RSRC1: variants seen among roughly 807,000 people sequenced by gnomAD.
RSRC1 encodes the protein serine/Arginine-related protein 53.
RSRC1 carries 39 observed loss-of-function variants against 49.1 expected under a neutral mutation model. The observed-to-expected ratio is 0.79, with a 90% CI of 0.61 to 1.04. The LOEUF is 1.04. RSRC1 is among the 50% of genes least tolerant of loss of function. RSRC1 has a pLI of 0.00. For synonymous variants in RSRC1, 143 were observed against 130.8 expected (o/e 1.09, Z -0.63); for missense variants, 388 against 402.4 (o/e 0.96, Z 0.31).
At chr3:158,312,158 G>A (rs1394231461) in intron 5 of RSRC1, among the ~76,000 whole-genome samples, 3 of 147,360 alleles carry the variant, frequency 2.0e-5, no homozygotes, top group South Asian at 2.1e-4. Context: ...CTCTAAAATA[G>A]CTTCTAACTT....
At chr3:158,409,433 T>C (rs1294838373) in intron 6 of RSRC1, among the ~76,000 whole-genome samples, 1 of 152,168 alleles carries the variant, frequency 6.6e-6, no homozygotes, top group East Asian at 1.9e-4. Context: ...TTTGTTATAT[T>C]TGTTGTTTCT....
chr3:158,544,417 T>C lies in RSRC1; in HGVS notation c.*142T>C. The C allele has an allele frequency of 2.2e-6, 1 of 461,712 alleles. No individual in the cohort carries two copies. The highest frequency in any genetic ancestry group is 3.8e-6 in the Non-Finnish European group (1 of 260,712). 28.6% of individuals were successfully genotyped at this position (461,712 alleles called of 1,614,324 possible). The stretch of plus-strand genomic sequence containing the variant: ...AGTCTCATTTCATTTGTCTCTCATG[T>C]AGGCTTGAATATTTGTTAATTTGAA... On this transcript the variant is annotated 3_prime_UTR_variant, in exon 10 of 10. Transcript: ENST00000611884.
At chr3:158,332,890 G>C (rs866916308) in intron 5 of RSRC1, among the ~76,000 whole-genome samples, 1 of 151,540 alleles carries the variant, frequency 6.6e-6, no homozygotes, top group South Asian at 2.1e-4. Context: ...TTGAAAAATT[G>C]ACTGTTATGC....
chr3:158,311,724 CA>C (rs1728140179), intron 5 of RSRC1, among the ~76,000 whole-genome samples: 1 of 151,624 alleles, frequency 6.6e-6, no homozygotes, highest in African/African-American at 2.4e-5. Context: ...ACTCTTACCA[CA>C]AAAAAGGTAA....
intron 5 of RSRC1, among the ~76,000 whole-genome samples, chr3:158,317,212 G>A (rs910582220): frequency 6.6e-6 from 1 of 152,078 alleles, no homozygotes; most frequent in Non-Finnish European, 1.5e-5. Flanking sequence ...GCTTATGTTA[G>A]TACTTAGGTA....
intron 1 of RSRC1, among the ~76,000 whole-genome samples, chr3:158,118,685 G>A (rs1355752536): frequency 2.0e-5 from 3 of 151,988 alleles, no homozygotes; most frequent in Admixed American, 2.0e-4. Flanking sequence ...TATGGTGAAG[G>A]CTTTCATCAT....
intron 4 of RSRC1, among the ~76,000 whole-genome samples, chr3:158,224,371 A>G (rs535844187): frequency 4.6e-5 from 7 of 151,964 alleles, no homozygotes; most frequent in African/African-American, 1.2e-4. Flanking sequence ...TAGAATTTAC[A>G]TGCATGATTT....
chr3:158,257,820 G>A (rs1418841248), intron 4 of RSRC1, among the ~76,000 whole-genome samples: 2 of 151,770 alleles, frequency 1.3e-5, no homozygotes, highest in Non-Finnish European at 1.5e-5. Context: ...TTTGATTTGA[G>A]GTTACCATGA....
At chr3:158,472,575 G>GT (rs1560057518) in intron 7 of RSRC1, among the ~76,000 whole-genome samples, 1 of 152,134 alleles carries the variant, frequency 6.6e-6, no homozygotes, top group African/African-American at 2.4e-5. Context: ...TTTCTACTAT[G>GT]TTTTTTCCTT....
chr3:158,221,924 C>T (rs1722242311), intron 4 of RSRC1, among the ~76,000 whole-genome samples: 1 of 151,354 alleles, frequency 6.6e-6, no homozygotes, highest in Non-Finnish European at 1.5e-5. Flanking sequence ...TCTATACTTC[C>T]AACATTTTCA....
chr3:158,187,640 CCTGGTTTTACAGTT>C (rs1367284344), intron 3 of RSRC1, among the ~76,000 whole-genome samples: 2 of 151,926 alleles, frequency 1.3e-5, no homozygotes, highest in African/African-American at 2.4e-5. Context: ...GACAGTCGAT[CCTGGTTTTACAGTT>C]TAGAGCATTT....
intron 6 of RSRC1, among the ~76,000 whole-genome samples, chr3:158,368,404 A>G (rs1230533579): frequency 6.6e-6 from 1 of 152,188 alleles, no homozygotes; most frequent in Non-Finnish European, 1.5e-5. Context: ...TGTGAGGCAG[A>G]CTGGCTTTGT....
intron 4 of RSRC1, among the ~76,000 whole-genome samples, chr3:158,260,752 A>G (rs574802290): frequency 1.8e-4 from 27 of 152,254 alleles, no homozygotes; most frequent in African/African-American, 6.3e-4. Flanking sequence ...ACTGGGATGG[A>G]CAGTTCACCT....
At chr3:158,478,948 C>CAAAAAAA (rs10603914) in intron 7 of RSRC1, among the ~76,000 whole-genome samples, 5 of 112,272 alleles carry the variant, frequency 4.5e-5, no homozygotes, top group African/African-American at 1.2e-4. Context: ...GGAGAAAAAG[C>CAAAAAAA]AAAAAAAAAA....
Position 158,415,787 on chromosome 3 carries a change from T to C in RSRC1, c.584-45148T>C, listed in dbSNP as rs191694787. Among the ~76,000 whole-genome samples the C allele has an allele frequency of 2.5e-3, 377 of 152,210 alleles. 2 individuals carry two copies. The highest frequency in any genetic ancestry group is 8.8e-3 in the African/African-American group (366 of 41,558). ...CTGGCAAGACTAATACTTTATGTTATATTAAAATAAATTATTGTTATAATT... is the reference window on the plus strand; with the variant it reads ...CTGGCAAGACTAATACTTTATGTTACATTAAAATAAATTATTGTTATAATT... On this transcript the variant is annotated intron_variant, in intron 6 of 9. Transcript: ENST00000611884.
chr3:158,250,246 T>C (rs1215728187), intron 4 of RSRC1, among the ~76,000 whole-genome samples: 1 of 152,220 alleles, frequency 6.6e-6, no homozygotes, highest in African/African-American at 2.4e-5. Context: ...TTTCCTAATC[T>C]TGGCTATTGT....
chr3:158,518,118 G>GCATATA (rs1341871336), intron 7 of RSRC1, among the ~76,000 whole-genome samples: 17 of 75,786 alleles, frequency 2.2e-4, no homozygotes, highest in African/African-American at 1.1e-3. Context: ...GTGTGTGTGT[G>GCATATA]TGTGTGTGTA....
chr3:158,516,615 G>C (rs921883540), intron 7 of RSRC1, among the ~76,000 whole-genome samples: 2 of 152,174 alleles, frequency 1.3e-5, no homozygotes, highest in African/African-American at 4.8e-5. Flanking sequence ...GAGCTGTGGT[G>C]GGCTCCACCC....
chr3:158,289,925 A>ATCCT (rs66931443), intron 4 of RSRC1, among the ~76,000 whole-genome samples: 2 of 32,566 alleles, frequency 6.1e-5, no homozygotes, highest in Admixed American at 6.0e-4. Flanking sequence ...CTATCTTTCT[A>ATCCT]TCCATCCATC....
Sources: allele counts gnomAD v4.1 joint callset (sites outside exome capture counted in the v4.1 genomes callset), GRCh38; gene constraint gnomAD v4.1.1; transcripts MANE v1.5; gene names NCBI Gene and HGNC (gene_info 2026-07-23, HGNC 2026-07-21).